The following LSAMP variants were observed in gnomAD, a reference collection of about 807,000 sequenced individuals.
LSAMP encodes the protein limbic system-associated membrane protein.
A neutral mutation model predicts 38.6 loss-of-function variants in LSAMP; 7 were observed. That is an observed-to-expected ratio of 0.18 (90% CI 0.10 to 0.34). LSAMP has a LOEUF of 0.34. Among genes scored for constraint, LSAMP ranks in the 10% least tolerant of loss-of-function variants. The pLI, the probability that LSAMP is intolerant of heterozygous loss-of-function variation, is 1.00. For synonymous variants in LSAMP, 154 were observed against 166.8 expected (o/e 0.92, Z 0.59); for missense variants, 313 against 420.0 (o/e 0.75, Z 2.23).
chr3:116,379,035 G>T (rs1205677282), intron 1 of LSAMP, among the ~76,000 whole-genome samples: 1 of 132,172 alleles, frequency 7.6e-6, no homozygotes, highest in Non-Finnish European at 1.6e-5. Flanking sequence ...ACACACACAC[G>T]AGTCCTACCA....
intron 2 of LSAMP, among the ~76,000 whole-genome samples, chr3:116,055,395 C>T (rs887696518): frequency 6.6e-6 from 1 of 152,128 alleles, no homozygotes; most frequent in African/African-American, 2.4e-5. Flanking sequence ...AACACATAAA[C>T]TGTGTGCATA....
chr3:115,898,111 G>A lies in LSAMP; in HGVS notation c.515-45494C>T, dbSNP rs372695121. Among the ~76,000 whole-genome samples the A allele has an allele frequency of 3.9e-5, 6 of 152,224 alleles. No individual in the cohort carries two copies. In the East Asian group the frequency reaches 9.7e-4, roughly 25 times the overall value. ...TTTATATTCAGAAACCTGGGACAAT[G>A]GGGAACTCTTGGCTCATTCTCAGGG... On this transcript the variant is annotated intron_variant, in intron 3 of 6. Coordinates refer to ENST00000490035, the MANE Select transcript of LSAMP (RefSeq NM_002338.5).
intron 1 of LSAMP, among the ~76,000 whole-genome samples, chr3:116,386,493 G>C (rs773256132): frequency 6.6e-6 from 1 of 152,068 alleles, no homozygotes; most frequent in Admixed American, 6.6e-5. Context: ...CTCTAAGAGA[G>C]ATGGGGTTTT....
intron 3 of LSAMP, among the ~76,000 whole-genome samples, chr3:115,890,517 G>T (rs1040758822): frequency 6.6e-6 from 1 of 152,018 alleles, no homozygotes; most frequent in South Asian, 2.1e-4. Flanking sequence ...AGAATAAGAT[G>T]TTCTCACAGC....
At chr3:116,134,055 G>T (rs940321003) in intron 1 of LSAMP, among the ~76,000 whole-genome samples, 1 of 152,050 alleles carries the variant, frequency 6.6e-6, no homozygotes, top group Non-Finnish European at 1.5e-5. Context: ...ATCTGAACAG[G>T]CCACAGCATT....
intron 1 of LSAMP, among the ~76,000 whole-genome samples, chr3:116,403,758 T>A (rs376170399): frequency 3.3e-5 from 5 of 149,954 alleles, no homozygotes; most frequent in East Asian, 2.0e-4. Flanking sequence ...TTTTTTTTTT[T>A]AAACAAAAAA....
intron 1 of LSAMP, among the ~76,000 whole-genome samples, chr3:116,198,069 G>A (rs372475495): frequency 6.6e-6 from 1 of 152,162 alleles, no homozygotes. Context: ...TGAATAATGT[G>A]CAAAGTTGGA....
At chr3:116,197,130 G>GAC (rs10650049) in intron 1 of LSAMP, among the ~76,000 whole-genome samples, 3,555 of 136,746 alleles carry the variant, frequency 0.026, 95 homozygotes, top group African/African-American at 0.067. Flanking sequence ...ATCCCACTCG[G>GAC]ACACACACAC....
At chr3:116,160,361 T>A (rs1420396519) in intron 1 of LSAMP, among the ~76,000 whole-genome samples, 1 of 142,908 alleles carries the variant, frequency 7.0e-6, no homozygotes, top group East Asian at 2.4e-4. Flanking sequence ...ATCGTGCCAT[T>A]GCACTTCAGC....
At chr3:115,992,101 C>T (rs1336068698) in intron 3 of LSAMP, among the ~76,000 whole-genome samples, 1 of 151,994 alleles carries the variant, frequency 6.6e-6, no homozygotes, top group Admixed American at 6.6e-5. Flanking sequence ...AGAAAATGTG[C>T]AGCACATACA....
chr3:116,367,316 C>G (rs1272189400), intron 1 of LSAMP, among the ~76,000 whole-genome samples: 2 of 151,994 alleles, frequency 1.3e-5, no homozygotes, highest in Admixed American at 6.6e-5. Context: ...AAAGAGAAAT[C>G]AGGAAGCCAT....
chr3:116,236,227 T>A (rs990633336), intron 1 of LSAMP, among the ~76,000 whole-genome samples: 2 of 152,122 alleles, frequency 1.3e-5, no homozygotes, highest in African/African-American at 4.8e-5. Context: ...TTGATGTTTT[T>A]AAAATATTGT....
At chr3:115,961,946 C>A (rs377300032) in intron 3 of LSAMP, among the ~76,000 whole-genome samples, 1 of 152,166 alleles carries the variant, frequency 6.6e-6, no homozygotes, top group African/African-American at 2.4e-5. Context: ...TAAAAGATAG[C>A]TGCATGGCTT....
At chr3:116,152,317 C>T (rs1201552743) in intron 1 of LSAMP, among the ~76,000 whole-genome samples, 4 of 152,098 alleles carry the variant, frequency 2.6e-5, no homozygotes, top group African/African-American at 9.7e-5. Context: ...CTGATAATCA[C>T]CTAAAATTTA....
chr3:115,880,074 T>A (rs1344786913), intron 3 of LSAMP, among the ~76,000 whole-genome samples: 1 of 152,136 alleles, frequency 6.6e-6, no homozygotes, highest in Non-Finnish European at 1.5e-5. Context: ...CAACAGATAT[T>A]CCAAGGACAA....
intron 1 of LSAMP, among the ~76,000 whole-genome samples, chr3:116,370,770 G>T (rs1422134452): frequency 1.3e-5 from 2 of 151,986 alleles, no homozygotes; most frequent in Non-Finnish European, 2.9e-5. Context: ...ATATAACAGG[G>T]AAAATCAACA....
chr3:116,243,551 C>T (rs1412701211), intron 1 of LSAMP, among the ~76,000 whole-genome samples: 2 of 152,162 alleles, frequency 1.3e-5, no homozygotes, highest in Non-Finnish European at 2.9e-5. Context: ...TTTCTAAGTT[C>T]TCTAAGTCTT....
chr3:116,138,952 T>C (rs936288215), intron 1 of LSAMP, among the ~76,000 whole-genome samples: 4 of 151,812 alleles, frequency 2.6e-5, no homozygotes, highest in African/African-American at 7.3e-5. Flanking sequence ...GTGATCATAA[T>C]AGTGATCCAG....
chr3:115,841,247 CA>C (rs1934986556), intron 6 of LSAMP, among the ~76,000 whole-genome samples: 1 of 152,020 alleles, frequency 6.6e-6, no homozygotes, highest in African/African-American at 2.4e-5. Context: ...ATCTCTGTTC[CA>C]AAAATATATC....
Sources: gnomAD v4.1 joint callset for allele counts (sites outside exome capture counted in the v4.1 genomes callset) on GRCh38, gnomAD v4.1.1 for gene constraint, MANE v1.5 for transcripts, NCBI Gene and HGNC (gene_info 2026-07-23, HGNC 2026-07-21) for gene names.